The following RTN3 variants were observed in gnomAD, a reference collection of about 807,000 sequenced individuals.
The protein encoded by RTN3 is reticulon-3.
RTN3 carries 49 observed loss-of-function variants against 77.8 expected under a neutral mutation model. The ratio of observed to expected loss-of-function variants is 0.63; its 90% CI spans 0.50 to 0.80. RTN3 has a LOEUF of 0.80. Among genes scored for constraint, RTN3 ranks in the 30% least tolerant of loss-of-function variants. RTN3 has a pLI of 0.00. For missense variants in RTN3, 1,236 were observed against 1,211.9 expected (o/e 1.02, Z -0.29); for synonymous variants, 464 against 446.9 (o/e 1.04, Z -0.48).
At chr11:63,741,627 G>T (rs1024996758) in intron 3 of RTN3, among the ~76,000 whole-genome samples, 1 of 148,470 alleles carries the variant, frequency 6.7e-6, no homozygotes, top group African/African-American at 2.5e-5. Flanking sequence ...AGCCTCCCCA[G>T]TAGCTGAAAC....
intron 4 of RTN3, 32 bp downstream of exon 4, chr11:63,750,230 A>G (rs373540297): frequency 7.7e-6 from 12 of 1,560,328 alleles, no homozygotes; most frequent in Non-Finnish European, 1.1e-5. Context: ...AACATTCTAC[A>G]TTTTAGTGGA....
intron 2 of RTN3, chr11:63,713,981 G>A: frequency 1.9e-6 from 1 of 518,076 alleles, no homozygotes; most frequent in Non-Finnish European, 3.9e-6. Flanking sequence ...GTACTGACTT[G>A]GGCAACAGCA....
intron 3 of RTN3, among the ~76,000 whole-genome samples, chr11:63,725,329 C>G (rs1343860546): frequency 6.6e-6 from 1 of 151,840 alleles, no homozygotes; most frequent in Non-Finnish European, 1.5e-5. Context: ...ATTTTAACAG[C>G]TATGTAGTAA....
chr11:63,756,249 C>A, intron 8 of RTN3, 79 bp downstream of exon 8: 2 of 927,294 alleles, frequency 2.2e-6, no homozygotes, highest in South Asian at 1.5e-5. Context: ...GTACAAAATG[C>A]AGATGCCAAG....
chr11:63,724,665 GTAT>G (rs2012107611), intron 3 of RTN3, among the ~76,000 whole-genome samples: 1 of 151,176 alleles, frequency 6.6e-6, no homozygotes, highest in African/African-American at 2.4e-5. Context: ...CTAATTTTTT[GTAT>G]TATTAGTAAA....
At position 63,723,945 on chromosome 11, in the gene RTN3, A is replaced by G. The variant is rs139430603; in HGVS notation, c.2530+2913A>G. On this transcript the variant is annotated intron_variant, in intron 3 of 8. Coordinates refer to ENST00000377819, the MANE Select transcript of RTN3 (RefSeq NM_001265589.2). ...ATTATAGTTGGTTGCTGAGTAATTAAGTTATGATAGACTCTCATAGTTTGG... is the reference window on the plus strand; with the variant it reads ...ATTATAGTTGGTTGCTGAGTAATTAGGTTATGATAGACTCTCATAGTTTGG... Among the ~76,000 whole-genome samples the G allele has an allele frequency of 5.7e-3, 865 of 152,298 alleles. 2 individuals are homozygous for G. The highest frequency in any genetic ancestry group is 0.014 in the Middle Eastern group (4 of 294).
intron 1 of RTN3, among the ~76,000 whole-genome samples, chr11:63,693,551 T>G (rs1941776765): frequency 2.0e-5 from 3 of 152,196 alleles, no homozygotes; most frequent in African/African-American, 7.2e-5. Context: ...TTCATAAACT[T>G]TAGGTTAAGA....
Position 63,754,592 on chromosome 11 carries a change from C to T in RTN3, c.2994+884C>T, listed in dbSNP as rs144652116. Among the ~76,000 whole-genome samples the T allele has an allele frequency of 7.8e-3, 1,164 of 149,770 alleles. 9 individuals are homozygous for T. Among genetic ancestry groups the T allele is most frequent in the Non-Finnish European group, 0.012 (792 of 67,670 alleles). On this transcript the variant is annotated intron_variant, in intron 7 of 8. Transcript: ENST00000377819. ...GCAGGCGCCTGTGGTCCCAGTTGCT[C>T]AGGAGGCTGAGGCAGGAGAATTGCT...
At chr11:63,695,954 C>A (rs1941915897) in intron 1 of RTN3, among the ~76,000 whole-genome samples, 1 of 152,032 alleles carries the variant, frequency 6.6e-6, no homozygotes, top group African/African-American at 2.4e-5. Context: ...TTGTAATATT[C>A]TTTTTTATTA....
intron 2 of RTN3, chr11:63,714,191 A>G (rs898867981): frequency 1.7e-5 from 6 of 345,212 alleles, no homozygotes. Flanking sequence ...CTAGCCAAAA[A>G]TGGTATTTTC....
chr11:63,700,252 A>G (rs1377187602), intron 1 of RTN3, among the ~76,000 whole-genome samples: 2 of 151,072 alleles, frequency 1.3e-5, no homozygotes, highest in African/African-American at 4.9e-5. Context: ...CCATCTGGAA[A>G]CATAGAGATA....
At position 63,681,655 on chromosome 11, in the gene RTN3, G is replaced by C; in HGVS notation, c.19G>C (p.Ala7Pro). MAEPSAATQSHSISSSS... is the reference protein window; with the variant it reads MAEPSAPTQSHSISSSS... ...CGTAGCCATGGCGGAGCCGTCGGCGGCCACTCAGTCCCATTCCATCTCCTC... is the reference window on the plus strand; with the variant it reads ...CGTAGCCATGGCGGAGCCGTCGGCGCCCACTCAGTCCCATTCCATCTCCTC... Residue 7 changes from alanine (A) to proline (P), a missense_variant, in exon 1 of 9, where the codon GCC becomes CCC. Ala to Pro is a conservative substitution (Grantham distance 27, BLOSUM62 -1). Around this residue, in one of 3 missense-constraint regions of RTN3, gnomAD observed 1,056 missense variants for 990.4 expected, o/e 1.07. Transcript: ENST00000377819. The C allele has an allele frequency of 6.3e-7, 1 of 1,594,708 alleles. No homozygotes were observed.
At chr11:63,754,997 T>A (rs573896754) in intron 7 of RTN3, among the ~76,000 whole-genome samples, 39 of 151,452 alleles carry the variant, frequency 2.6e-4, no homozygotes, top group African/African-American at 9.2e-4. Flanking sequence ...AACTCTAGGT[T>A]ATTCAGGTAA....
At chr11:63,741,359 C>T (rs376602470) in intron 3 of RTN3, among the ~76,000 whole-genome samples, 22 of 151,246 alleles carry the variant, frequency 1.5e-4, no homozygotes, top group East Asian at 3.9e-4. Context: ...TGTGCCACCA[C>T]GCCTGGCTAA....
At chr11:63,729,668 A>G (rs1326131646) in intron 3 of RTN3, among the ~76,000 whole-genome samples, 1 of 151,578 alleles carries the variant, frequency 6.6e-6, no homozygotes, top group Non-Finnish European at 1.5e-5. Context: ...TTATGTTGCC[A>G]ACACTGGCAT....
chr11:63,721,513 T>C (rs1478740102), intron 3 of RTN3, among the ~76,000 whole-genome samples: 5 of 148,690 alleles, frequency 3.4e-5, no homozygotes, highest in Admixed American at 6.8e-5. Context: ...AGGCAGAGCT[T>C]GCAGTGAGAT....
In RTN3 at chr11:63,720,330, A is replaced by G. The variant is rs1195189300; in HGVS notation, c.1828A>G (p.Lys610Glu). 6.2e-7 allele frequency: 1 copy of G among 1,613,882 alleles called. No homozygotes were observed. Among genetic ancestry groups the G allele is most frequent in the East Asian group, 2.2e-5 (1 of 44,890 alleles). The change falls in exon 3 of 9, where the codon AAA becomes GAA. Residue 610 changes from lysine (K) to glutamate (E), a missense_variant. Physicochemically the swap from Lys to Glu is moderately conservative, Grantham distance 56. Transcript: ENST00000377819. ...AAAGCCTATTACTACTGAGAACCCC[A>G]AACTTCCTTCAACAGTGTCTCCAAA... ...PEKPITTENP[K>E]LPSTVSPNVF...
chr11:63,757,886 C>A (rs375874976), intron 8 of RTN3, among the ~76,000 whole-genome samples: 1 of 151,972 alleles, frequency 6.6e-6, no homozygotes, highest in Non-Finnish European at 1.5e-5. Flanking sequence ...CACACCAACA[C>A]GCCTGGCTAA....
intron 1 of RTN3, among the ~76,000 whole-genome samples, chr11:63,688,834 A>G (rs994608585): frequency 3.9e-5 from 6 of 152,206 alleles, no homozygotes; most frequent in African/African-American, 1.4e-4. Context: ...GCCTTGTAAA[A>G]TGAAGTTTGG....
Sources: allele counts gnomAD v4.1 joint callset (sites outside exome capture counted in the v4.1 genomes callset), GRCh38; gene constraint gnomAD v4.1.1; regional missense constraint gnomAD v4.1.1; transcripts MANE v1.5; gene names NCBI Gene and HGNC (gene_info 2026-07-23, HGNC 2026-07-21).